FAM168A: variants seen among roughly 807,000 people sequenced by gnomAD.
The protein encoded by FAM168A is protein FAM168A.
In FAM168A, 3 loss-of-function variants were observed where a neutral mutation model predicts 28.5. The observed-to-expected ratio is 0.11, with a 90% CI of 0.05 to 0.27. FAM168A has a LOEUF of 0.27. Ranked by LOEUF, FAM168A falls within the 10% of genes least tolerant of loss-of-function variation. The pLI is 1.00. For missense variants in FAM168A, 222 were observed against 311.5 expected, an observed-to-expected ratio of 0.71 and a Z score of 2.16; for synonymous variants, 122 against 124.2, an observed-to-expected ratio of 0.98 and a Z score of 0.12.
At chr11:73,495,837 G>C (rs1247593641) in intron 1 of FAM168A, among the ~76,000 whole-genome samples, 1 of 152,128 alleles carries the variant, frequency 6.6e-6, no homozygotes, top group African/African-American at 2.4e-5. Context: ...ATATAAAATG[G>C]TGTAGCCACT....
At chr11:73,583,092 C>A (rs181515082) in intron 1 of FAM168A, among the ~76,000 whole-genome samples, 1 of 152,294 alleles carries the variant, frequency 6.6e-6, no homozygotes, top group Non-Finnish European at 1.5e-5. Flanking sequence ...ATCACGAGGT[C>A]AGGAGATCAA....
chr11:73,573,218 A>G (rs1944128056), intron 1 of FAM168A, among the ~76,000 whole-genome samples: 1 of 152,230 alleles, frequency 6.6e-6, no homozygotes, highest in African/African-American at 2.4e-5. Flanking sequence ...ATGAAAAAAA[A>G]TCTATTTTAA....
chr11:73,526,297 A>C (rs566451023), intron 1 of FAM168A, among the ~76,000 whole-genome samples: 1 of 152,130 alleles, frequency 6.6e-6, no homozygotes, highest in African/African-American at 2.4e-5. Context: ...ACAATGAGAT[A>C]TTTTTCTTTC....
chr11:73,478,834 A>G (rs1565263359), intron 1 of FAM168A, among the ~76,000 whole-genome samples: 2 of 152,280 alleles, frequency 1.3e-5, no homozygotes, highest in Admixed American at 6.5e-5. Context: ...ATTAACAGCA[A>G]TATAGTACTG....
At chr11:73,452,479 C>T (rs1334589923) in intron 2 of FAM168A, 1 of 152,276 alleles carries the variant, frequency 6.6e-6, no homozygotes, top group African/African-American at 2.4e-5. Flanking sequence ...ATACCATCTT[C>T]ATGGACAAGA....
intron 6 of FAM168A, among the ~76,000 whole-genome samples, chr11:73,408,535 T>A (rs1306143273): frequency 6.6e-6 from 1 of 152,164 alleles, no homozygotes; most frequent in African/African-American, 2.4e-5. Flanking sequence ...ACCCCAGTAT[T>A]TGGGAGTCTG....
chr11:73,572,143 C>T (rs1454356114), intron 1 of FAM168A, among the ~76,000 whole-genome samples: 6 of 151,956 alleles, frequency 3.9e-5, no homozygotes, highest in Non-Finnish European at 5.9e-5. Flanking sequence ...CGGCAGCCAC[C>T]CCGTCCGGGA....
chr11:73,550,384 T>C (rs1174819680), intron 1 of FAM168A, among the ~76,000 whole-genome samples: 1 of 152,234 alleles, frequency 6.6e-6, no homozygotes, highest in Non-Finnish European at 1.5e-5. Context: ...CCAGGCTTGG[T>C]GGCTCATGCC....
In FAM168A at chr11:73,411,531, T is replaced by G; in HGVS notation, c.283A>C (p.Thr95Pro). 6.2e-7 allele frequency: 1 copy of G among 1,614,066 alleles called. No homozygotes were observed. Among genetic ancestry groups the G allele is most frequent in the Non-Finnish European group, 8.5e-7 (1 of 1,179,974 alleles). The change falls in exon 5 of 8, where the codon ACT (threonine) becomes CCT (proline). Residue 95 changes from threonine to proline, a missense_variant. This residue lies in a region of FAM168A where 153 missense variants were observed against 189.2 expected (regional missense o/e 0.81). Coordinates refer to ENST00000356467, the MANE Select transcript of FAM168A (RefSeq NM_015159.3). ...GGGACCTTGTATGGTGTCCCCGCAGTATATCCTGTACCAAGGCAATAAGAG... is the reference window on the plus strand; with the variant it reads ...GGGACCTTGTATGGTGTCCCCGCAGGATATCCTGTACCAAGGCAATAAGAG... ...YQASSAAFRY[T>P]AGTPYKVPPT...
chr11:73,430,277 G>GGTGTGTGT lies in FAM168A; in HGVS notation c.151+405_151+412dup, dbSNP rs35239246. On this transcript the variant is annotated intron_variant, in intron 3 of 7. Transcript: ENST00000356467. ...GTGTGTGTGTGTGTGTGTGTCCCAA[G>GGTGTGTGT]GTGTGTGTGTGTGTGTGTGTGTGTG... 13 of 175,056 alleles carry GGTGTGTGT rather than the reference G, an allele frequency of 7.4e-5. 1 individual carries two copies. The highest frequency in any genetic ancestry group is 2.3e-4 in the Admixed American group (4 of 17,132). 10.8% of individuals were successfully genotyped at this position (175,056 alleles called of 1,614,324 possible). A position where few individuals can be genotyped will look rare whatever the true frequency, so the allele number is the denominator to read the frequency against.
intron 2 of FAM168A, among the ~76,000 whole-genome samples, chr11:73,445,978 C>G (rs1386582057): frequency 1.3e-5 from 2 of 152,152 alleles, no homozygotes; most frequent in Non-Finnish European, 2.9e-5. Flanking sequence ...AGATTGAAAC[C>G]AGATCTGACA....
chr11:73,447,611 T>C (rs1246533179), intron 2 of FAM168A, among the ~76,000 whole-genome samples: 1 of 151,678 alleles, frequency 6.6e-6, no homozygotes, highest in Middle Eastern at 3.4e-3. Flanking sequence ...CTAGTATCAG[T>C]CCAGTGATGG....
At chr11:73,437,426 CAG>C (rs1236924453) in intron 2 of FAM168A, among the ~76,000 whole-genome samples, 1 of 113,388 alleles carries the variant, frequency 8.8e-6, no homozygotes, top group Non-Finnish European at 1.8e-5. Context: ...TTTTTTGAGA[CAG>C]AGTCTCACTC....
intron 2 of FAM168A, among the ~76,000 whole-genome samples, chr11:73,462,197 C>A (rs533465843): frequency 6.6e-6 from 1 of 152,046 alleles, no homozygotes; most frequent in Admixed American, 6.6e-5. Flanking sequence ...TACAATAGAC[C>A]AAAAGCAGAA....
chr11:73,427,829 T>G (rs1355559680), intron 3 of FAM168A, among the ~76,000 whole-genome samples: 1 of 152,216 alleles, frequency 6.6e-6, no homozygotes, highest in Non-Finnish European at 1.5e-5. Flanking sequence ...AATAGCCCAG[T>G]GCTGGGGATG....
chr11:73,488,492 G>A (rs1868084739), intron 1 of FAM168A, among the ~76,000 whole-genome samples: 2 of 152,086 alleles, frequency 1.3e-5, no homozygotes, highest in Admixed American at 1.3e-4. Flanking sequence ...ATCCTATACT[G>A]TTTCATGCTT....
intron 3 of FAM168A, among the ~76,000 whole-genome samples, chr11:73,426,520 C>A (rs1357447891): frequency 6.6e-6 from 1 of 152,226 alleles, no homozygotes; most frequent in Non-Finnish European, 1.5e-5. Context: ...CTGTGCATCA[C>A]AAATGGCTAG....
chr11:73,513,556 C>T (rs1855271271), intron 1 of FAM168A, among the ~76,000 whole-genome samples: 1 of 151,958 alleles, frequency 6.6e-6, no homozygotes, highest in Non-Finnish European at 1.5e-5. Flanking sequence ...CTCTTCTGCT[C>T]TCTCTCATCT....
chr11:73,594,992 A>G (rs1944427897), intron 1 of FAM168A, among the ~76,000 whole-genome samples: 1 of 152,180 alleles, frequency 6.6e-6, no homozygotes, highest in Non-Finnish European at 1.5e-5. Flanking sequence ...AGATATCGGG[A>G]GGATCAAATG....
Sources: gnomAD v4.1 joint callset for allele counts (sites outside exome capture counted in the v4.1 genomes callset) on GRCh38, gnomAD v4.1.1 for gene constraint, gnomAD v4.1.1 regional missense constraint, MANE v1.5 for transcripts, NCBI Gene and HGNC (gene_info 2026-07-23, HGNC 2026-07-21) for gene names.